The following RAD51B variants were observed in gnomAD, a reference collection of about 807,000 sequenced individuals.
The protein encoded by RAD51B is DNA repair protein RAD51 homolog 2.
Under a neutral mutation model 42.2 loss-of-function variants are expected in RAD51B, and 38 were observed. The ratio of observed to expected loss-of-function variants is 0.90; its 90% CI spans 0.70 to 1.18. The LOEUF is 1.18. Ranked by LOEUF, RAD51B falls within the 50% of genes most tolerant of loss-of-function variation. RAD51B has a pLI of 0.00. For missense variants in RAD51B, 373 were observed against 400.7 expected (o/e 0.93, Z 0.59); for synonymous variants, 154 against 145.2 (o/e 1.06, Z -0.43).
At chr14:68,329,062 G>A (rs1182772287) in intron 8 of RAD51B, among the ~76,000 whole-genome samples, 1 of 152,156 alleles carries the variant, frequency 6.6e-6, no homozygotes, top group African/African-American at 2.4e-5. Flanking sequence ...AGGCTGGAGT[G>A]CAGTGGCATG....
intron 8 of RAD51B, among the ~76,000 whole-genome samples, chr14:68,312,114 T>G (rs60900258): frequency 0.03 from 4,495 of 151,410 alleles, 231 homozygotes; most frequent in African/African-American, 0.1. Context: ...GAAATGTGTG[T>G]TTTTTTTTGT....
chr14:68,595,716 C>T, exon 11 of RAD51B: 1 of 752,864 alleles, frequency 1.3e-6, no homozygotes, highest in Non-Finnish European at 1.7e-6. Context: ...CGATGGAATA[C>T]TAGATGGTCA....
At chr14:67,893,491 C>G (rs899034080) in intron 7 of RAD51B, among the ~76,000 whole-genome samples, 61 of 76,792 alleles carry the variant, frequency 7.9e-4, no homozygotes, top group African/African-American at 4.3e-3. Context: ...CACACACACA[C>G]ACACACACAC....
chr14:68,131,449 A>C (rs980221266), intron 7 of RAD51B, among the ~76,000 whole-genome samples: 1 of 152,152 alleles, frequency 6.6e-6, no homozygotes, highest in African/African-American at 2.4e-5. Context: ...TAATCCCTGC[A>C]CTTTGGGAGG....
intron 10 of RAD51B, among the ~76,000 whole-genome samples, chr14:68,543,693 C>A (rs1291357332): frequency 6.6e-6 from 1 of 152,192 alleles, no homozygotes; most frequent in Non-Finnish European, 1.5e-5. Flanking sequence ...TTCGATGAGA[C>A]CTAGAGAATC....
chr14:68,228,780 C>A (rs767160735), intron 7 of RAD51B, among the ~76,000 whole-genome samples: 1 of 152,212 alleles, frequency 6.6e-6, no homozygotes, highest in Non-Finnish European at 1.5e-5. Context: ...GTGTGACTTA[C>A]GTCAAGCCAC....
At chr14:68,008,878 T>C (rs1387126195) in intron 7 of RAD51B, among the ~76,000 whole-genome samples, 1 of 152,016 alleles carries the variant, frequency 6.6e-6, no homozygotes, top group African/African-American at 2.4e-5. Flanking sequence ...TCCTCCCTCA[T>C]TGATTATAGT....
At chr14:67,871,362 A>G (rs973266304) in intron 5 of RAD51B, among the ~76,000 whole-genome samples, 13 of 152,232 alleles carry the variant, frequency 8.5e-5, no homozygotes, top group African/African-American at 3.1e-4. Context: ...TTCTGGACAC[A>G]TACACTCTCC....
chr14:68,354,215 G>GTTT (rs1566828163), intron 8 of RAD51B, among the ~76,000 whole-genome samples: 50 of 103,396 alleles, frequency 4.8e-4, no homozygotes, highest in Admixed American at 1.8e-3. Flanking sequence ...TTGGTTTTTT[G>GTTT]GTTTTTTTTT....
At chr14:67,886,103 AC>A in intron 6 of RAD51B, 115 bp downstream of exon 6, 1 of 839,932 alleles carries the variant, frequency 1.2e-6, no homozygotes, top group Non-Finnish European at 1.7e-6. Flanking sequence ...ATGTGGAGTA[AC>A]TTTTTCAGTG....
chr14:68,586,748 T>TA (rs747823181), intron 10 of RAD51B, among the ~76,000 whole-genome samples: 13 of 152,286 alleles, frequency 8.5e-5, no homozygotes, highest in Non-Finnish European at 1.3e-4. Context: ...TTCACCCCTG[T>TA]AATCCCAGCA....
At chr14:68,500,001 G>A (rs952054834) in intron 10 of RAD51B, among the ~76,000 whole-genome samples, 1 of 152,192 alleles carries the variant, frequency 6.6e-6, no homozygotes, top group Non-Finnish European at 1.5e-5. Context: ...GAATCTGGTC[G>A]TCTAGAAAAC....
At chr14:68,061,089 GAC>G (rs1176901289) in intron 7 of RAD51B, among the ~76,000 whole-genome samples, 1 of 119,888 alleles carries the variant, frequency 8.3e-6, no homozygotes, top group Non-Finnish European at 1.6e-5. Flanking sequence ...TTTCTTTTGA[GAC>G]ACAGTCTTGC....
chr14:68,369,463 A>G (rs1360650252), intron 8 of RAD51B, among the ~76,000 whole-genome samples: 2 of 152,148 alleles, frequency 1.3e-5, no homozygotes, highest in East Asian at 3.8e-4. Context: ...TGTGTCCTCT[A>G]AGGTTCTTTC....
At chr14:68,660,596 C>T (rs1400800592) in intron 11 of RAD51B, among the ~76,000 whole-genome samples, 5 of 152,156 alleles carry the variant, frequency 3.3e-5, no homozygotes, top group African/African-American at 7.2e-5. Context: ...CCAGAGCATG[C>T]GGCAACAGAC....
intron 7 of RAD51B, among the ~76,000 whole-genome samples, chr14:68,089,966 A>C (rs911984957): frequency 6.6e-6 from 1 of 152,154 alleles, no homozygotes; most frequent in African/African-American, 2.4e-5. Context: ...TTAGATTTAT[A>C]TATAAAGTTT....
chr14:68,303,781 AT>A lies in RAD51B; in HGVS notation c.853+11804del, dbSNP rs142945850. ...CTGAATAACATCAGGCGAGCCCTCC[AT>A]TTATCAAGGCGCCTAACAGTTAGAA... On this transcript the variant is annotated intron_variant, in intron 8 of 10. Transcript: ENST00000471583. Among the ~76,000 whole-genome samples, 86 of 152,312 alleles carry A rather than the reference AT, an allele frequency of 5.6e-4. 2 individuals carry two copies. In the East Asian group the frequency reaches 0.015, roughly 26 times the overall value.
intron 7 of RAD51B, among the ~76,000 whole-genome samples, chr14:68,143,845 A>G (rs1366143132): frequency 6.6e-6 from 1 of 152,088 alleles, no homozygotes; most frequent in Admixed American, 6.5e-5. Flanking sequence ...CGTCACTTTT[A>G]CCTGGTTTAT....
intron 7 of RAD51B, among the ~76,000 whole-genome samples, chr14:67,925,500 T>C (rs2044474846): frequency 6.6e-6 from 1 of 152,116 alleles, no homozygotes; most frequent in South Asian, 2.1e-4. Context: ...CTCGAACTCC[T>C]GACCTTGTGA....
Sources: gnomAD v4.1 joint callset for allele counts (sites outside exome capture counted in the v4.1 genomes callset) on GRCh38, gnomAD v4.1.1 for gene constraint, MANE v1.5 for transcripts, NCBI Gene and HGNC (gene_info 2026-07-23, HGNC 2026-07-21) for gene names.